PXMP4: variants seen among roughly 807,000 people sequenced by gnomAD.
The protein encoded by PXMP4 is peroxisomal membrane protein 4.
In PXMP4, 16 loss-of-function variants were observed where a neutral mutation model predicts 21.6. The ratio of observed to expected loss-of-function variants is 0.74; its 90% CI spans 0.50 to 1.13. PXMP4 has a LOEUF of 1.13. Among genes scored for constraint, PXMP4 ranks in the 50% most tolerant of loss-of-function variants. The pLI is 0.00. For missense variants in PXMP4, 240 were observed against 277.7 expected, an observed-to-expected ratio of 0.86 and a Z score of 0.96; for synonymous variants, 127 against 123.8, an observed-to-expected ratio of 1.03 and a Z score of -0.17.
rs2018256211 is a variant in PXMP4 at position 33,706,279 on chromosome 20, G to T, written c.*1427C>A. 1.3e-5 allele frequency: 2 copies of T among 151,748 alleles called. No homozygotes were observed. The highest frequency in any genetic ancestry group is 4.2e-4 in the South Asian group (2 of 4,812). The allele number at this position is 151,748 out of a possible 1,614,324, so 9.4% of individuals were successfully genotyped here. A position where few individuals can be genotyped will look rare whatever the true frequency, so the allele number is the denominator to read the frequency against. Reference sequence around the variant, plus strand: ...GGGGACGAAAACACACATTTGCAAGGCCACTGTATGGTTTAAAAATAATAT... The same window carrying T: ...GGGGACGAAAACACACATTTGCAAGTCCACTGTATGGTTTAAAAATAATAT... On this transcript the variant is annotated 3_prime_UTR_variant, in exon 4 of 4. Coordinates refer to ENST00000409299, the MANE Select transcript of PXMP4 (RefSeq NM_007238.5).
Position 33,707,514 on chromosome 20 carries a change from G to T in PXMP4, c.*192C>A. On this transcript the variant is annotated 3_prime_UTR_variant, in exon 4 of 4. Coordinates refer to ENST00000409299, the MANE Select transcript of PXMP4 (RefSeq NM_007238.5). The stretch of plus-strand genomic sequence containing the variant: ...AACCAAGCCGTAGATTCCTCAGCCT[G>T]ATTCGGCCACTTGTGCCACCATACA... 1 of 797,078 alleles carries T rather than the reference G, an allele frequency of 1.3e-6. No homozygotes were observed. The highest frequency in any genetic ancestry group is 1.9e-6 in the Non-Finnish European group (1 of 524,872). 49.4% of individuals were successfully genotyped at this position (797,078 alleles called of 1,614,324 possible). A position where few individuals can be genotyped will look rare whatever the true frequency, so the allele number is the denominator to read the frequency against.
intron 3 of PXMP4, 64 bp from the exon 4 acceptor site, chr20:33,708,033 TATTA>T: frequency 6.6e-7 from 1 of 1,513,842 alleles, no homozygotes; most frequent in South Asian, 1.3e-5. Flanking sequence ...TTGTTTTTGA[TATTA>T]ATAATTTGTT....
intron 1 of PXMP4, among the ~76,000 whole-genome samples, chr20:33,716,752 C>T (rs1018687741): frequency 1.1e-4 from 16 of 152,150 alleles, no homozygotes. Flanking sequence ...ACACCCCTTA[C>T]CCATGACAAT....
intron 3 of PXMP4, among the ~76,000 whole-genome samples, chr20:33,709,210 C>G (rs1470753472): frequency 6.6e-6 from 1 of 152,134 alleles, no homozygotes; most frequent in African/African-American, 2.4e-5. Context: ...AGGAGAAATG[C>G]TTGAACCTGG....
chr20:33,710,809 T>C, intron 2 of PXMP4, 56 bp from the exon 3 acceptor site: 1 of 1,480,570 alleles, frequency 6.8e-7, no homozygotes, highest in Non-Finnish European at 9.0e-7. Flanking sequence ...CCCAAAGGGC[T>C]TTTACGCACT....
chr20:33,711,028 G>A (rs1278298426), intron 2 of PXMP4, among the ~76,000 whole-genome samples: 1 of 152,156 alleles, frequency 6.6e-6, no homozygotes, highest in Non-Finnish European at 1.5e-5. Flanking sequence ...GTCACCAACC[G>A]ACATTTATGT....
At chr20:33,711,297 T>G (rs1240776763) in intron 2 of PXMP4, among the ~76,000 whole-genome samples, 1 of 152,066 alleles carries the variant, frequency 6.6e-6, no homozygotes. Flanking sequence ...CAAAAAGAAC[T>G]TTGACCTTGA....
chr20:33,708,360 T>C (rs1166182601), intron 3 of PXMP4, among the ~76,000 whole-genome samples: 2 of 151,904 alleles, frequency 1.3e-5, no homozygotes, highest in Non-Finnish European at 2.9e-5. Context: ...CTAGTTTTTA[T>C]ATTTTTAGTA....
At chr20:33,709,348 A>G (rs73093437) in intron 3 of PXMP4, among the ~76,000 whole-genome samples, 2,013 of 152,286 alleles carry the variant, frequency 0.013, 17 homozygotes, top group Middle Eastern at 0.024. Context: ...TCTCTTATTC[A>G]TCATCATTTC....
At chr20:33,713,411 C>T (rs897876300) in intron 2 of PXMP4, among the ~76,000 whole-genome samples, 4 of 152,168 alleles carry the variant, frequency 2.6e-5, no homozygotes, top group African/African-American at 4.8e-5. Flanking sequence ...TTTCTCATAG[C>T]GGCCTTCCCT....
At chr20:33,713,297 C>G (rs967714719) in intron 2 of PXMP4, among the ~76,000 whole-genome samples, 1 of 152,142 alleles carries the variant, frequency 6.6e-6, no homozygotes, top group Non-Finnish European at 1.5e-5. Flanking sequence ...GATCCTATCT[C>G]AAGGTCTTTG....
intron 1 of PXMP4, among the ~76,000 whole-genome samples, chr20:33,719,595 C>T (rs999086636): frequency 6.6e-6 from 1 of 152,198 alleles, no homozygotes; most frequent in Non-Finnish European, 1.5e-5. Context: ...TTCATTGTCA[C>T]GTCCCAGGAG....
intron 1 of PXMP4, among the ~76,000 whole-genome samples, chr20:33,719,308 C>A (rs977927581): frequency 6.6e-6 from 1 of 152,204 alleles, no homozygotes; most frequent in Non-Finnish European, 1.5e-5. Context: ...CTCCAGATCA[C>A]ACGGGTAGGT....
At position 33,704,020 on chromosome 20, in the gene PXMP4, A is replaced by C. The variant is rs2018232574; in HGVS notation, c.*3686T>G. On this transcript the variant is annotated 3_prime_UTR_variant, in exon 4 of 4. Coordinates refer to ENST00000409299, the MANE Select transcript of PXMP4 (RefSeq NM_007238.5). The stretch of plus-strand genomic sequence containing the variant: ...CCCAACCCCTAGAGCAGCAGTCCCC[A>C]ACCTTTTTGGCACCAGGGACCAGTT... 1 of 152,338 alleles carries C rather than the reference A, an allele frequency of 6.6e-6. No individual in the cohort carries two copies. Among genetic ancestry groups the C allele is most frequent in the African/African-American group, 2.4e-5 (1 of 41,422 alleles). 9.4% of individuals were successfully genotyped at this position (152,338 alleles called of 1,614,324 possible). A position where few individuals can be genotyped will look rare whatever the true frequency, so the allele number is the denominator to read the frequency against.
chr20:33,718,354 C>G (rs1027159973), intron 1 of PXMP4, among the ~76,000 whole-genome samples: 1 of 151,204 alleles, frequency 6.6e-6, no homozygotes, highest in Non-Finnish European at 1.5e-5. Context: ...ACTAAAAATA[C>G]AAAAAAATTA....
intron 3 of PXMP4, among the ~76,000 whole-genome samples, chr20:33,710,256 C>T (rs1601204122): frequency 2.0e-5 from 3 of 148,320 alleles, no homozygotes; most frequent in African/African-American, 7.5e-5. Flanking sequence ...CACCTCTATC[C>T]AGAACCACGC....
chr20:33,708,041 ATTTG>A (rs1264581558), intron 3 of PXMP4, 72 bp from the exon 4 acceptor site: 1 of 1,476,474 alleles, frequency 6.8e-7, no homozygotes. Context: ...GATATTAATA[ATTTG>A]TTTCATTTCT....
chr20:33,709,692 G>C (rs1253635382), intron 3 of PXMP4, among the ~76,000 whole-genome samples: 2 of 150,812 alleles, frequency 1.3e-5, no homozygotes, highest in Non-Finnish European at 3.0e-5. Flanking sequence ...TACAGAACCA[G>C]GGCCCCCTCC....
chr20:33,709,457 A>G (rs2018298477), intron 3 of PXMP4, among the ~76,000 whole-genome samples: 1 of 152,176 alleles, frequency 6.6e-6, no homozygotes, highest in African/African-American at 2.4e-5. Context: ...ACCTTACTTC[A>G]GGGTCATTTT....
Sources: gnomAD v4.1 joint callset for allele counts (sites outside exome capture counted in the v4.1 genomes callset) on GRCh38, gnomAD v4.1.1 for gene constraint, MANE v1.5 for transcripts, NCBI Gene and HGNC (gene_info 2026-07-23, HGNC 2026-07-21) for gene names.